The following DDX60L variants were observed in gnomAD, a reference collection of about 807,000 sequenced individuals.
DDX60L encodes the protein probable ATP-dependent RNA helicase DDX60-like.
DDX60L carries 191 observed loss-of-function variants against 211.6 expected under a neutral mutation model. The ratio of observed to expected loss-of-function variants is 0.90; its 90% CI spans 0.80 to 1.02. DDX60L has a LOEUF of 1.02. Among genes scored for constraint, DDX60L ranks in the 50% least tolerant of loss-of-function variants. The probability of loss-of-function intolerance (pLI) is 0.00; values close to 1 mark genes in which losing one functional copy is unlikely to be tolerated. For missense variants in DDX60L, 2,007 were observed against 1,984.1 expected (o/e 1.01, Z -0.22); for synonymous variants, 706 against 694.1 (o/e 1.02, Z -0.27).
chr4:168,396,730 C>G (rs529068309), intron 26 of DDX60L, among the ~76,000 whole-genome samples: 1 of 151,524 alleles, frequency 6.6e-6, no homozygotes, highest in Admixed American at 6.6e-5. Context: ...CCGAGAAGAC[C>G]TGGAGCTCCG....
At chr4:168,400,299 C>G (rs1210320257) in intron 26 of DDX60L, among the ~76,000 whole-genome samples, 1 of 152,110 alleles carries the variant, frequency 6.6e-6, no homozygotes, top group African/African-American at 2.4e-5. Flanking sequence ...CATGTCTTTG[C>G]TATTGTGAAT....
At chr4:168,455,517 C>T (rs892681064) in intron 7 of DDX60L, among the ~76,000 whole-genome samples, 1 of 152,112 alleles carries the variant, frequency 6.6e-6, no homozygotes, top group African/African-American at 2.4e-5. Context: ...AGTCAAAATC[C>T]AGGCTGCCTT....
At position 168,400,981 on chromosome 4, in the gene DDX60L, TA is replaced by T; in HGVS notation, c.3339-4del. On this transcript the variant is annotated splice_polypyrimidine_tract_variant and splice_region_variant and intron_variant, in intron 25 of 37. Transcript: ENST00000682922. ...TTCCCACATCATCATTCTTAAACCT[TA>T]AAACAAATGAAAACAGTGCTTTGAA... 5 of 1,609,288 alleles carry T rather than the reference TA, an allele frequency of 3.1e-6. No individual in the cohort carries two copies. Among genetic ancestry groups the T allele is most frequent in the Non-Finnish European group, 4.2e-6 (5 of 1,178,524 alleles).
intron 4 of DDX60L, among the ~76,000 whole-genome samples, chr4:168,464,388 T>C (rs1757698631): frequency 6.6e-6 from 1 of 151,564 alleles, no homozygotes; most frequent in Non-Finnish European, 1.5e-5. Flanking sequence ...AATTTATACA[T>C]TAAAACAATA....
chr4:168,391,581 CA>C lies in DDX60L; in HGVS notation c.3873del (p.Phe1291LeufsTer11). ...GIHMPCKSVV[F>X]AQDSVYLDAL... is the part of the protein sequence containing the mutation. The stretch of plus-strand genomic sequence containing the variant: ...GCATCCAGATAGACTGAGTCTTGGG[CA>C]AAAACAACAGATTTGCATGGCATGT... On this transcript the variant is annotated frameshift_variant, in exon 29 of 38. Transcript: ENST00000682922. LOFTEE classifies it high-confidence loss of function. 1 of 1,588,838 alleles carries C rather than the reference CA, an allele frequency of 6.3e-7. No individual in the cohort carries two copies. Among genetic ancestry groups the C allele is most frequent in the Non-Finnish European group, 8.6e-7 (1 of 1,166,940 alleles).
chr4:168,385,208 G>A (rs1490748247), intron 29 of DDX60L, among the ~76,000 whole-genome samples: 2 of 152,160 alleles, frequency 1.3e-5, no homozygotes, highest in Non-Finnish European at 2.9e-5. Context: ...GAAGGGAGAA[G>A]GGCTCAAGGT....
At chr4:168,389,981 C>T (rs1395905349) in intron 29 of DDX60L, 1 of 183,202 alleles carries the variant, frequency 5.5e-6, no homozygotes, top group Non-Finnish European at 1.0e-5. Flanking sequence ...AAGTGCATTT[C>T]TCTAGACAGA....
intron 9 of DDX60L, among the ~76,000 whole-genome samples, chr4:168,445,341 ACT>A (rs1440333486): frequency 4.1e-5 from 5 of 120,696 alleles, no homozygotes; most frequent in African/African-American, 1.3e-4. Context: ...AGAAGTTGAA[ACT>A]CTGAATAGAC....
At chr4:168,407,185 C>T (rs1005033507) in intron 22 of DDX60L, among the ~76,000 whole-genome samples, 3 of 152,090 alleles carry the variant, frequency 2.0e-5, no homozygotes, top group African/African-American at 7.2e-5. Flanking sequence ...ACCTTTGCCC[C>T]TAGAGATCCA....
chr4:168,455,747 A>G (rs1756474767), intron 7 of DDX60L, among the ~76,000 whole-genome samples: 2 of 152,328 alleles, frequency 1.3e-5, no homozygotes, highest in South Asian at 4.1e-4. Context: ...GGGCCAAATA[A>G]CTACTAAGTG....
At chr4:168,365,194 A>T (rs573840460) in intron 36 of DDX60L, among the ~76,000 whole-genome samples, 33 of 152,272 alleles carry the variant, frequency 2.2e-4, no homozygotes, top group African/African-American at 7.9e-4. Context: ...AGACGTAAAC[A>T]AAATAGAGGC....
chr4:168,409,774 G>A (rs1356064199), intron 22 of DDX60L, among the ~76,000 whole-genome samples: 6 of 152,102 alleles, frequency 3.9e-5, no homozygotes, highest in Non-Finnish European at 4.4e-5. Context: ...ATAACACTAT[G>A]ATTAAGAACA....
intron 9 of DDX60L, among the ~76,000 whole-genome samples, chr4:168,447,908 C>T (rs371593846): frequency 5.2e-4 from 76 of 146,966 alleles, no homozygotes; most frequent in Non-Finnish European, 7.2e-4. Context: ...GGGATAGCAT[C>T]GGGAGATATA....
chr4:168,397,632 T>C lies in DDX60L; in HGVS notation c.3492-1508A>G, dbSNP rs57892313. Among the ~76,000 whole-genome samples the C allele has an allele frequency of 8.0e-3, 1,225 of 152,316 alleles. 21 individuals are homozygous for C. Among genetic ancestry groups the C allele is most frequent in the African/African-American group, 0.029 (1,187 of 41,566 alleles). ...GTGGAGAGCAATTCATGTGAGTGCCTACCCATTAACAACCCTACCAAGCCA... is the reference window on the plus strand; with the variant it reads ...GTGGAGAGCAATTCATGTGAGTGCCCACCCATTAACAACCCTACCAAGCCA... On this transcript the variant is annotated intron_variant, in intron 26 of 37. Transcript: ENST00000682922.
At chr4:168,417,601 T>C (rs928818676) in intron 19 of DDX60L, among the ~76,000 whole-genome samples, 6 of 152,214 alleles carry the variant, frequency 3.9e-5, no homozygotes, top group African/African-American at 9.6e-5. Context: ...TGTATCACAA[T>C]GTTTACTTAT....
intron 4 of DDX60L, among the ~76,000 whole-genome samples, chr4:168,466,832 T>G (rs1454114052): frequency 6.6e-6 from 1 of 152,222 alleles, no homozygotes; most frequent in Non-Finnish European, 1.5e-5. Context: ...CTGTGTGCTT[T>G]GTTGCCTGCT....
intron 36 of DDX60L, among the ~76,000 whole-genome samples, chr4:168,364,433 G>A (rs1739619953): frequency 6.6e-6 from 1 of 152,138 alleles, no homozygotes; most frequent in African/African-American, 2.4e-5. Flanking sequence ...GAGACAAACT[G>A]CAGTATAATA....
At chr4:168,447,402 G>A (rs562707344) in intron 9 of DDX60L, among the ~76,000 whole-genome samples, 4 of 148,496 alleles carry the variant, frequency 2.7e-5, no homozygotes, top group African/African-American at 9.8e-5. Flanking sequence ...GAGAGGATGT[G>A]GAGAAATAGG....
Position 168,441,441 on chromosome 4 carries a change from C to G in DDX60L, c.1190G>C (p.Trp397Ser), listed in dbSNP as rs548666335. 6.2e-7 allele frequency: 1 copy of G among 1,612,720 alleles called. No homozygotes were observed. The part of the protein sequence containing the change: ...DSIRRDYEDL[W>S]NVVSHLVKEF... ...TTTAACCAGGTGTGACACAACATTC[C>G]ACAGGTCTTCATAATCCCTCCTAAT... is the stretch of plus-strand genomic sequence containing the variant. The change falls in exon 10 of 38, where the codon TGG (tryptophan) becomes TCG (serine). Residue 397 changes from tryptophan to serine, a missense_variant. Transcript: ENST00000682922.
Sources: allele counts gnomAD v4.1 joint callset (sites outside exome capture counted in the v4.1 genomes callset), GRCh38; gene constraint gnomAD v4.1.1; transcripts MANE v1.5; gene names NCBI Gene and HGNC (gene_info 2026-07-23, HGNC 2026-07-21).